SYT14: variants seen among roughly 807,000 people sequenced by gnomAD.
SYT14 encodes synaptotagmin 14, also known as synaptotagmin-14.
SYT14 carries 32 observed loss-of-function variants against 74.2 expected under a neutral mutation model. The ratio of observed to expected loss-of-function variants is 0.43; its 90% CI spans 0.33 to 0.58. SYT14 has a LOEUF of 0.58. SYT14 is among the 20% of genes least tolerant of loss of function. The pLI is 0.05. For missense variants in SYT14, 791 were observed against 981.8 expected, an observed-to-expected ratio of 0.81 and a Z score of 2.60; for synonymous variants, 298 against 337.7, an observed-to-expected ratio of 0.88 and a Z score of 1.29.
intron 5 of SYT14, among the ~76,000 whole-genome samples, chr1:210,088,292 T>C (rs1216845694): frequency 6.6e-6 from 1 of 152,012 alleles, no homozygotes; most frequent in Non-Finnish European, 1.5e-5. Flanking sequence ...GGTGGTTTGC[T>C]GCACTGATCA....
intron 5 of SYT14, among the ~76,000 whole-genome samples, chr1:210,084,658 C>A (rs2081685545): frequency 6.6e-6 from 1 of 152,202 alleles, no homozygotes. Flanking sequence ...TATTCCTGTC[C>A]TTGCCAGGTG....
chr1:209,994,430 C>T (rs2079749814), intron 2 of SYT14, among the ~76,000 whole-genome samples: 1 of 151,754 alleles, frequency 6.6e-6, no homozygotes, highest in Admixed American at 6.6e-5. Context: ...GCAACTCAGA[C>T]AAAAACGAAG....
chr1:210,015,260 A>C (rs1218758049), intron 3 of SYT14, among the ~76,000 whole-genome samples: 4 of 152,142 alleles, frequency 2.6e-5, no homozygotes, highest in Admixed American at 1.3e-4. Context: ...TCCAGTGTTC[A>C]CTTGTGAGCC....
intron 5 of SYT14, among the ~76,000 whole-genome samples, chr1:210,053,047 G>A (rs2081032208): frequency 6.6e-6 from 1 of 151,970 alleles, no homozygotes; most frequent in South Asian, 2.1e-4. Flanking sequence ...TAAGGACAAA[G>A]CCCAGATCAA....
intron 2 of SYT14, among the ~76,000 whole-genome samples, chr1:209,969,304 AT>A (rs1190765462): frequency 3.9e-5 from 6 of 152,068 alleles, no homozygotes; most frequent in African/African-American, 1.4e-4. Context: ...GTTTCAAGTT[AT>A]CTGAGAAATC....
chr1:210,089,072 C>A (rs1472071663), intron 5 of SYT14, among the ~76,000 whole-genome samples: 1 of 152,082 alleles, frequency 6.6e-6, no homozygotes, highest in African/African-American at 2.4e-5. Context: ...ATGTTCCCAT[C>A]TCTGTGTCCA....
At chr1:209,949,249 ACTC>A (rs1330839000) in intron 1 of SYT14, among the ~76,000 whole-genome samples, 5 of 151,942 alleles carry the variant, frequency 3.3e-5, no homozygotes, top group African/African-American at 1.2e-4. Context: ...TTTTCCTTAT[ACTC>A]CTCCCAGTCT....
chr1:209,954,355 A>G (rs959744336), intron 2 of SYT14, among the ~76,000 whole-genome samples: 1 of 151,924 alleles, frequency 6.6e-6, no homozygotes, highest in African/African-American at 2.4e-5. Context: ...CTATCCGGGT[A>G]GTTCTCAAAG....
chr1:210,144,280 CT>C (rs1374370693), intron 7 of SYT14, among the ~76,000 whole-genome samples: 2 of 152,098 alleles, frequency 1.3e-5, no homozygotes, highest in African/African-American at 4.8e-5. Context: ...ACAGGTAAAT[CT>C]TTAGTCCAAG....
intron 7 of SYT14, among the ~76,000 whole-genome samples, chr1:210,138,429 A>G (rs930897545): frequency 6.6e-6 from 1 of 152,206 alleles, no homozygotes; most frequent in Non-Finnish European, 1.5e-5. Context: ...TTGGGTGGGG[A>G]CACAGCCAAA....
intron 7 of SYT14, among the ~76,000 whole-genome samples, chr1:210,149,180 A>AT (rs34134939): frequency 0.043 from 4,712 of 108,462 alleles, 367 homozygotes; most frequent in East Asian, 0.21. Context: ...TATAGCAGGA[A>AT]TTTTTTTTTT....
chr1:210,010,059 C>T (rs2080058191), intron 2 of SYT14, among the ~76,000 whole-genome samples: 1 of 152,142 alleles, frequency 6.6e-6, no homozygotes, highest in Admixed American at 6.5e-5. Flanking sequence ...TCTGTTACCA[C>T]TGCTACTACT....
intron 5 of SYT14, among the ~76,000 whole-genome samples, chr1:210,056,197 C>A (rs1222514474): frequency 6.6e-6 from 1 of 152,004 alleles, no homozygotes; most frequent in Non-Finnish European, 1.5e-5. Flanking sequence ...ATATTTCCAA[C>A]ATTTATCCTT....
intron 2 of SYT14, among the ~76,000 whole-genome samples, chr1:209,975,362 T>C (rs1194342413): frequency 2.0e-5 from 3 of 152,214 alleles, no homozygotes; most frequent in Non-Finnish European, 4.4e-5. Flanking sequence ...ACAGCTCTTA[T>C]TATTTTGAGA....
intron 2 of SYT14, among the ~76,000 whole-genome samples, chr1:209,991,139 T>C (rs1244378432): frequency 1.3e-5 from 2 of 152,112 alleles, no homozygotes; most frequent in Admixed American, 6.5e-5. Context: ...TCAAGATGGA[T>C]TAAAGCCTTA....
At chr1:210,149,526 A>G (rs1312855459) in intron 7 of SYT14, among the ~76,000 whole-genome samples, 1 of 152,128 alleles carries the variant, frequency 6.6e-6, no homozygotes, top group Non-Finnish European at 1.5e-5. Context: ...ACATGATGCT[A>G]TGGTCAAACG....
chr1:210,092,716 T>C (rs1289386674), intron 5 of SYT14, among the ~76,000 whole-genome samples: 1 of 152,238 alleles, frequency 6.6e-6, no homozygotes, highest in South Asian at 2.1e-4. Flanking sequence ...GCTTACGTTA[T>C]AAACTAAAGT....
chr1:210,102,318 GA>G (rs1320942308), intron 7 of SYT14, among the ~76,000 whole-genome samples: 3 of 151,974 alleles, frequency 2.0e-5, no homozygotes, highest in Non-Finnish European at 4.4e-5. Context: ...ATTTATATTT[GA>G]ATAAAACTAT....
At chr1:209,996,108 A>G (rs961683050) in intron 2 of SYT14, among the ~76,000 whole-genome samples, 3 of 152,170 alleles carry the variant, frequency 2.0e-5, no homozygotes, top group Non-Finnish European at 4.4e-5. Context: ...AGCTAGCCGA[A>G]GAAAAGAAAG....
Sources: gnomAD v4.1 joint callset for allele counts (sites outside exome capture counted in the v4.1 genomes callset) on GRCh38, gnomAD v4.1.1 for gene constraint, MANE v1.5 for transcripts, NCBI Gene and HGNC (gene_info 2026-07-23, HGNC 2026-07-21) for gene names.